The following PEX14 variants were observed in gnomAD, a reference collection of about 807,000 sequenced individuals.
PEX14 encodes the protein peroxisomal membrane protein PEX14.
Under a neutral mutation model 49.5 loss-of-function variants are expected in PEX14, and 15 were observed. That is an observed-to-expected ratio of 0.30 (90% CI 0.20 to 0.47). The LOEUF is 0.47. Ranked by LOEUF, PEX14 falls within the 20% of genes least tolerant of loss-of-function variation. The pLI is 1.00. For synonymous variants in PEX14, 210 were observed against 212.7 expected (o/e 0.99, Z 0.11); for missense variants, 398 against 494.8 (o/e 0.80, Z 1.86).
chr1:10,537,333 G>C (rs1179488090), intron 3 of PEX14, among the ~76,000 whole-genome samples: 1 of 38,774 alleles, frequency 2.6e-5, no homozygotes, highest in Non-Finnish European at 5.4e-5. Context: ...TGGCTGCATT[G>C]TGCCAGCACC....
At chr1:10,542,089 A>T (rs1557835355) in intron 3 of PEX14, among the ~76,000 whole-genome samples, 1 of 150,780 alleles carries the variant, frequency 6.6e-6, no homozygotes, top group African/African-American at 2.4e-5. Context: ...GTAAAAAAAA[A>T]TTTTTTTTAC....
chr1:10,591,732 G>A (rs1171172304), intron 3 of PEX14, among the ~76,000 whole-genome samples: 1 of 144,438 alleles, frequency 6.9e-6, no homozygotes, highest in Non-Finnish European at 1.5e-5. Context: ...GTTCTCTTTG[G>A]CTTTCTTCTT....
chr1:10,576,114 A>G (rs981882698), intron 3 of PEX14, among the ~76,000 whole-genome samples: 3 of 152,156 alleles, frequency 2.0e-5, no homozygotes, highest in Middle Eastern at 3.2e-3. Context: ...AATACCCTTT[A>G]TATATTAAGA....
intron 4 of PEX14, 39 bp from the exon 5 acceptor site, chr1:10,618,293 A>T: frequency 6.5e-7 from 1 of 1,545,774 alleles, no homozygotes; most frequent in Non-Finnish European, 8.9e-7. Flanking sequence ...GAAGGACGCC[A>T]TGTGCGTCTT....
chr1:10,619,983 C>T lies in PEX14; in HGVS notation c.384+1566C>T, dbSNP rs147610848. Among the ~76,000 whole-genome samples, 1,251 of 152,138 alleles carry T rather than the reference C, an allele frequency of 8.2e-3. 16 individuals are homozygous for T. Among genetic ancestry groups the T allele is most frequent in the African/African-American group, 0.028 (1,167 of 41,510 alleles). On this transcript the variant is annotated intron_variant, in intron 5 of 8. Coordinates refer to ENST00000356607, the MANE Select transcript of PEX14 (RefSeq NM_004565.3). ...ACAAAAAATTAGCCCAGCATGGCGG[C>T]GGGCACCTGCAGTCCCAGCTACTGG...
At chr1:10,566,587 C>G (rs1251122304) in intron 3 of PEX14, among the ~76,000 whole-genome samples, 1 of 151,926 alleles carries the variant, frequency 6.6e-6, no homozygotes, top group Non-Finnish European at 1.5e-5. Context: ...CTCTTGAGTT[C>G]AAGGGATTCT....
intron 2 of PEX14, among the ~76,000 whole-genome samples, chr1:10,511,317 AT>A (rs1322783315): frequency 6.6e-6 from 1 of 151,096 alleles, no homozygotes; most frequent in Non-Finnish European, 1.5e-5. Flanking sequence ...TTTCTCTTTC[AT>A]TACTGTCTCT....
At chr1:10,507,846 T>G (rs1641813839) in intron 2 of PEX14, among the ~76,000 whole-genome samples, 1 of 152,234 alleles carries the variant, frequency 6.6e-6, no homozygotes, top group Admixed American at 6.5e-5. Flanking sequence ...CACAAATTCC[T>G]CATTGTCAGA....
chr1:10,628,351 GT>G lies in PEX14; in HGVS notation c.677+991del, dbSNP rs1305057595. Among the ~76,000 whole-genome samples the G allele has an allele frequency of 6.6e-6, 1 of 152,268 alleles. No homozygotes were observed. The highest frequency in any genetic ancestry group is 1.5e-5 in the Non-Finnish European group (1 of 68,052). Reference sequence around the variant, plus strand: ...AGTGGGCCTTGCATGGGGTGTCCTTGTTTCCCTGCTGGGCTGGATTTGTTGG... The same window carrying G: ...AGTGGGCCTTGCATGGGGTGTCCTTGTTCCCTGCTGGGCTGGATTTGTTGG... On this transcript the variant is annotated intron_variant, in intron 8 of 8. Transcript: ENST00000356607. The surrounding 1 kb of genome is among the most constrained non-coding windows in gnomAD (Gnocchi z 4.5).
chr1:10,540,138 T>A (rs1240291374), intron 3 of PEX14, among the ~76,000 whole-genome samples: 2 of 151,982 alleles, frequency 1.3e-5, no homozygotes, highest in African/African-American at 2.4e-5. Context: ...GATCTTATCC[T>A]TCTACTGTTC....
intron 3 of PEX14, among the ~76,000 whole-genome samples, chr1:10,570,865 T>TTTTTTTTTG (rs1570283463): frequency 2.7e-5 from 4 of 147,710 alleles, no homozygotes; most frequent in East Asian, 2.0e-4. Context: ...TTTTTTTTTT[T>TTTTTTTTTG]GAGATGGTAT....
At chr1:10,557,287 T>C (rs1639514557) in intron 3 of PEX14, among the ~76,000 whole-genome samples, 1 of 152,150 alleles carries the variant, frequency 6.6e-6, no homozygotes, top group African/African-American at 2.4e-5. Flanking sequence ...CTTTGTGGGG[T>C]AAAAACCTCA....
intron 4 of PEX14, among the ~76,000 whole-genome samples, chr1:10,612,458 A>G (rs1473804779): frequency 6.6e-6 from 1 of 152,042 alleles, no homozygotes; most frequent in Non-Finnish European, 1.5e-5. Flanking sequence ...AGTGGAAAAG[A>G]TTGTCTTTCA....
intron 8 of PEX14, 152 bp downstream of exon 8, chr1:10,627,515 T>C: frequency 1.5e-6 from 1 of 659,856 alleles, no homozygotes; most frequent in African/African-American, 1.8e-5. Context: ...CCTTTTGAGC[T>C]TCTCTCTTCA....
At chr1:10,618,235 G>C in intron 4 of PEX14, 97 bp from the exon 5 acceptor site, 1 of 855,212 alleles carries the variant, frequency 1.2e-6, no homozygotes, top group Non-Finnish European at 2.0e-6. Context: ...CATTGTTGGA[G>C]GCGAGGAGAC....
chr1:10,624,842 A>C (rs1641698874), intron 7 of PEX14, among the ~76,000 whole-genome samples: 2 of 152,108 alleles, frequency 1.3e-5, no homozygotes, highest in African/African-American at 4.8e-5. Context: ...ACAGGGGAGA[A>C]GCGAGTCGCA....
chr1:10,488,388 C>T (rs1193499788), intron 1 of PEX14, among the ~76,000 whole-genome samples: 1 of 152,126 alleles, frequency 6.6e-6, no homozygotes, highest in African/African-American at 2.4e-5. Context: ...AACTCCTGAC[C>T]TCAGGCGATC....
chr1:10,513,432 G>T (rs1049911172), intron 2 of PEX14, among the ~76,000 whole-genome samples: 2 of 152,158 alleles, frequency 1.3e-5, no homozygotes, highest in African/African-American at 2.4e-5. Context: ...TGTTCCAGCC[G>T]ACAGCTTGAA....
At chr1:10,511,251 C>T (rs1484152319) in intron 2 of PEX14, among the ~76,000 whole-genome samples, 1 of 152,080 alleles carries the variant, frequency 6.6e-6, no homozygotes, top group Non-Finnish European at 1.5e-5. Flanking sequence ...ATTTTGTTAT[C>T]TCCTGTTTTT....
Sources: gnomAD v4.1 joint callset for allele counts (sites outside exome capture counted in the v4.1 genomes callset) on GRCh38, gnomAD v4.1.1 for gene constraint, Gnocchi (gnomAD v3.1) non-coding constraint, MANE v1.5 for transcripts, NCBI Gene and HGNC (gene_info 2026-07-23, HGNC 2026-07-21) for gene names.